The following VWCE variants were observed in gnomAD, a reference collection of about 807,000 sequenced individuals.
VWCE encodes von Willebrand factor C and EGF domain-containing protein.
A neutral mutation model predicts 102.9 loss-of-function variants in VWCE; 68 were observed. The ratio of observed to expected loss-of-function variants is 0.66; its 90% CI spans 0.54 to 0.81. The LOEUF (loss-of-function observed/expected upper bound fraction) is 0.81, where lower values mean the gene tolerates loss of function less well. Ranked by LOEUF, VWCE falls within the 30% of genes least tolerant of loss-of-function variation. The pLI, the probability that VWCE is intolerant of heterozygous loss-of-function variation, is 0.00. For synonymous variants in VWCE, 497 were observed against 515.4 expected (o/e 0.96, Z 0.48); for missense variants, 1,137 against 1,263.6 (o/e 0.90, Z 1.52).
intron 5 of VWCE, among the ~76,000 whole-genome samples, chr11:61,284,432 G>A (rs1246736109): frequency 6.6e-6 from 1 of 152,184 alleles, no homozygotes; most frequent in Non-Finnish European, 1.5e-5. Flanking sequence ...GCCCATGTAC[G>A]TACGTACACA....
At chr11:61,259,430 C>CAGGTG in intron 19 of VWCE, 118 bp from the exon 20 acceptor site, 2 of 1,280,222 alleles carry the variant, frequency 1.6e-6, no homozygotes, top group Non-Finnish European at 2.1e-6. Flanking sequence ...CTCAGCACAC[C>CAGGTG]TGGTGAGGAC....
intron 5 of VWCE, among the ~76,000 whole-genome samples, chr11:61,284,675 G>C (rs1350855556): frequency 6.6e-6 from 1 of 152,068 alleles, no homozygotes; most frequent in Non-Finnish European, 1.5e-5. Flanking sequence ...AGGCCTAGCT[G>C]GGTGGCTCAC....
chr11:61,281,267 G>A (rs1351874471), intron 7 of VWCE, 32 bp from the exon 8 acceptor site: 4 of 1,610,184 alleles, frequency 2.5e-6, no homozygotes, highest in Non-Finnish European at 3.4e-6. Flanking sequence ...CTCTTGGGGT[G>A]GACAGCAGAG....
intron 11 of VWCE, among the ~76,000 whole-genome samples, chr11:61,275,868 G>A (rs2134786092): frequency 6.6e-6 from 1 of 152,334 alleles, no homozygotes; most frequent in East Asian, 1.9e-4. Context: ...ACAGAGCAAT[G>A]ACAAGGGTGG....
At position 61,277,342 on chromosome 11, in the gene VWCE, C is replaced by T. The variant is rs191696750; in HGVS notation, c.1408-662G>A. On this transcript the variant is annotated intron_variant, in intron 10 of 19. Transcript: ENST00000335613. Reference sequence around the variant, plus strand: ...AGATGGTCATGACCCGGTGCAGTGGCTCATCCCTGTAATCCCAGCATTTTG... The same window carrying T: ...AGATGGTCATGACCCGGTGCAGTGGTTCATCCCTGTAATCCCAGCATTTTG... Among the ~76,000 whole-genome samples the T allele has an allele frequency of 1.2e-3, 177 of 151,584 alleles. 2 individuals are homozygous for T. The highest frequency in any genetic ancestry group is 4.1e-3 in the African/African-American group (169 of 41,264).
rs200465963 is a variant in VWCE at position 61,267,482 on chromosome 11, A to T, written c.1945T>A (p.Cys649Ser). 9.9e-6 allele frequency: 16 copies of T among 1,614,144 alleles called. No homozygotes were observed. Among genetic ancestry groups the T allele is most frequent in the Admixed American group, 1.7e-5 (1 of 60,018 alleles). The change falls in exon 16 of 20, where the codon TGT (cysteine) becomes AGT (serine). Residue 649 changes from cysteine (C) to serine (S), a missense_variant. Cys to Ser is a moderately radical substitution (Grantham distance 112, BLOSUM62 -1). Transcript: ENST00000335613. ...NETFPSVLDP[C>S]LSCICLLGSV... ...CATACCAGGCAGATGCAGCTCAGAC[A>T]TGGGTCCAGCACAGACGGGAAGGTC... is the stretch of plus-strand genomic sequence containing the variant.
At chr11:61,274,973 G>A (rs973415380) in intron 11 of VWCE, among the ~76,000 whole-genome samples, 2 of 152,094 alleles carry the variant, frequency 1.3e-5, no homozygotes, top group Non-Finnish European at 2.9e-5. Flanking sequence ...TGAGGCAGGA[G>A]GATGGCTTGA....
intron 9 of VWCE, among the ~76,000 whole-genome samples, chr11:61,279,772 C>A (rs1381201901): frequency 6.6e-6 from 1 of 152,112 alleles, no homozygotes. Context: ...GTTGCCCAGG[C>A]TGGAGTGCAG....
intron 4 of VWCE, among the ~76,000 whole-genome samples, chr11:61,288,370 T>C (rs547101607): frequency 6.6e-6 from 1 of 152,134 alleles, no homozygotes; most frequent in East Asian, 1.9e-4. Context: ...GTCTACTCAA[T>C]CTGCACTCAC....
chr11:61,286,017 G>A lies in VWCE; in HGVS notation c.541+297C>T, dbSNP rs187886099. 2.0e-5 allele frequency among the ~76,000 whole-genome samples: 3 copies of A among 152,170 alleles called. No individual in the cohort carries two copies. The East Asian group carries it at 5.8e-4, about 29-fold the overall frequency. On this transcript the variant is annotated intron_variant, in intron 5 of 19. Transcript: ENST00000335613. ...GATCCTCCCGCCTTGACCTCCCAAA[G>A]TGCAAGGATTACAGATGTGAGTCAA... is the stretch of plus-strand genomic sequence containing the variant.
At chr11:61,266,480 C>A (rs1431024365) in intron 16 of VWCE, among the ~76,000 whole-genome samples, 1 of 151,618 alleles carries the variant, frequency 6.6e-6, no homozygotes, top group Non-Finnish European at 1.5e-5. Flanking sequence ...CCCAGGAGGT[C>A]AAGGTTGCAG....
intron 9 of VWCE, among the ~76,000 whole-genome samples, chr11:61,278,842 C>T (rs1160467168): frequency 1.3e-5 from 2 of 152,028 alleles, no homozygotes; most frequent in Non-Finnish European, 2.9e-5. Flanking sequence ...AGTTTGAGAC[C>T]AGCCCGGCCA....
intron 10 of VWCE, among the ~76,000 whole-genome samples, chr11:61,277,724 A>G (rs947398384): frequency 1.3e-5 from 2 of 152,136 alleles, no homozygotes; most frequent in African/African-American, 4.8e-5. Context: ...CTGTCTTTTC[A>G]TCTGCAGAAT....
Position 61,264,508 on chromosome 11 carries a change from C to A in VWCE, c.2209G>T (p.Asp737Tyr). 6.2e-7 allele frequency: 1 copy of A among 1,613,568 alleles called. No homozygotes were observed. Among genetic ancestry groups the A allele is most frequent in the Non-Finnish European group, 8.5e-7 (1 of 1,179,816 alleles). ...TTACCTGGACAGGAAGAGCAGCAGTCCCCAGGAAGCAGGGCAGGGTCGGCA... is the reference window on the plus strand; with the variant it reads ...TTACCTGGACAGGAAGAGCAGCAGTACCCAGGAAGCAGGGCAGGGTCGGCA... Reference protein sequence around the residue: ...ACADPALLPGDCCSSCPDSLS... With the variant: ...ACADPALLPGYCCSSCPDSLS... Residue 737 changes from aspartate to tyrosine, a missense_variant, in exon 19 of 20, where the codon GAC becomes TAC. Transcript: ENST00000335613.
chr11:61,281,645 A>G, intron 7 of VWCE, 141 bp downstream of exon 7: 1 of 1,074,284 alleles, frequency 9.3e-7, no homozygotes, highest in Non-Finnish European at 1.2e-6. Context: ...GGGCCGGGGT[A>G]GGGCGGGGCC....
chr11:61,290,304 G>A (rs946418396), intron 4 of VWCE, among the ~76,000 whole-genome samples: 1 of 152,168 alleles, frequency 6.6e-6, no homozygotes, highest in Non-Finnish European at 1.5e-5. Context: ...CTGAGGTCAG[G>A]AGTTCGAGAC....
At chr11:61,266,807 G>A (rs148859037) in intron 16 of VWCE, among the ~76,000 whole-genome samples, 6 of 152,310 alleles carry the variant, frequency 3.9e-5, no homozygotes, top group South Asian at 4.1e-4. Context: ...TATGAAGGGC[G>A]TGGCACACTG....
At position 61,258,745 on chromosome 11, in the gene VWCE, G is replaced by A; in HGVS notation, c.2798C>T (p.Ala933Val). 2 of 1,403,938 alleles carry A rather than the reference G, an allele frequency of 1.4e-6. No individual in the cohort carries two copies. Among genetic ancestry groups the A allele is most frequent in the East Asian group, 5.1e-5 (2 of 38,936 alleles). 87.0% of individuals were successfully genotyped at this position (1,403,938 alleles called of 1,614,324 possible). Residue 933 changes from alanine to valine, a missense_variant, in exon 20 of 20, where the codon GCA becomes GTA. This residue lies in a region of VWCE where 316 missense variants were observed against 319.3 expected (regional missense o/e 0.99). Transcript: ENST00000335613. ...PTTSRLSTALAATTHPGPQQP... is the reference protein window; with the variant it reads ...PTTSRLSTALVATTHPGPQQP... ...CTGGGGGCCAGGGTGGGTGGTGGCT[G>A]CAAGGGCTGTGGAGAGTCTAGAGGT... is the stretch of plus-strand genomic sequence containing the variant.
chr11:61,292,160 T>C lies in VWCE; in HGVS notation c.111-584A>G, dbSNP rs564925630. Among the ~76,000 whole-genome samples, 5 of 151,788 alleles carry C rather than the reference T, an allele frequency of 3.3e-5. No individual in the cohort carries two copies. The South Asian group carries it at 1.0e-3, about 32-fold the overall frequency. On this transcript the variant is annotated intron_variant, in intron 1 of 19. Transcript: ENST00000335613. ...ATGGCTTGAGCCTGTGAGGCAGAGGTTGCAGCGAGCCAAGTTGGCGCCACT... is the reference window on the plus strand; with the variant it reads ...ATGGCTTGAGCCTGTGAGGCAGAGGCTGCAGCGAGCCAAGTTGGCGCCACT...
Sources: allele counts gnomAD v4.1 joint callset (sites outside exome capture counted in the v4.1 genomes callset), GRCh38; gene constraint gnomAD v4.1.1; regional missense constraint gnomAD v4.1.1; transcripts MANE v1.5; gene names NCBI Gene and HGNC (gene_info 2026-07-23, HGNC 2026-07-21).